The following TDRD7 variants were observed in gnomAD, a reference collection of about 807,000 sequenced individuals.
TDRD7 encodes the protein tudor domain-containing protein 7.
In TDRD7, 47 loss-of-function variants were observed where a neutral mutation model predicts 109.8. That is an observed-to-expected ratio of 0.43 (90% CI 0.34 to 0.55). The LOEUF (loss-of-function observed/expected upper bound fraction) is 0.55. Ranked by LOEUF, TDRD7 falls within the 20% of genes least tolerant of loss-of-function variation. TDRD7 has a pLI of 0.03. For synonymous variants in TDRD7, 424 were observed against 457.3 expected (o/e 0.93, Z 0.93); for missense variants, 1,164 against 1,319.2 (o/e 0.88, Z 1.82).
chr9:97,453,806 G>A (rs1438559076), intron 6 of TDRD7, among the ~76,000 whole-genome samples: 1 of 152,084 alleles, frequency 6.6e-6, no homozygotes, highest in Admixed American at 6.6e-5. Context: ...ACAAAGAAGG[G>A]CATTACATAA....
chr9:97,480,001 C>T (rs1216644867), intron 13 of TDRD7, among the ~76,000 whole-genome samples: 2 of 152,132 alleles, frequency 1.3e-5, no homozygotes, highest in Admixed American at 6.6e-5. Flanking sequence ...GTGACCTCCT[C>T]TCCAACAAGA....
chr9:97,488,572 T>G (rs75100663), intron 16 of TDRD7, among the ~76,000 whole-genome samples: 69,327 of 150,280 alleles, frequency 0.46, 16,098 homozygotes, highest in Admixed American at 0.52. Context: ...TTTTTTTTTT[T>G]TTTTTTTGTT....
Position 97,464,977 on chromosome 9 carries a change from G to A in TDRD7, c.1578G>A (p.Glu526=). 1 of 1,614,094 alleles carries A rather than the reference G, an allele frequency of 6.2e-7. No homozygotes were observed. Among genetic ancestry groups the A allele is most frequent in the South Asian group, 1.1e-5 (1 of 91,072 alleles). The change falls in exon 8 of 17, where the codon GAG becomes GAA. Residue 526 remains glutamate (E), a synonymous_variant. Transcript: ENST00000355295. ...AGTTGCTGGCCGTAAATGCCGAGGA[G>A]GACGCCTGGTTACGGGCACAGGTCA... ...VGQLLAVNAE[E]DAWLRAQVIS... is the part of the protein sequence containing the mutation.
At chr9:97,477,225 C>T (rs2131170488) in intron 12 of TDRD7, among the ~76,000 whole-genome samples, 1 of 152,264 alleles carries the variant, frequency 6.6e-6, no homozygotes, top group African/African-American at 2.4e-5. Flanking sequence ...ATAACCATTG[C>T]ATAATTATCA....
intron 8 of TDRD7, among the ~76,000 whole-genome samples, chr9:97,469,753 A>G (rs1415932101): frequency 1.3e-5 from 2 of 152,190 alleles, no homozygotes; most frequent in Non-Finnish European, 2.9e-5. Context: ...TTTTTCTCAA[A>G]AAAAGGCTTT....
chr9:97,437,334 ACTTC>A (rs1279773397), intron 4 of TDRD7, among the ~76,000 whole-genome samples: 1 of 152,202 alleles, frequency 6.6e-6, no homozygotes, highest in Non-Finnish European at 1.5e-5. Context: ...GGCACAGTGT[ACTTC>A]CTTCTGAGTT....
chr9:97,414,610 G>A (rs1322046623), intron 1 of TDRD7, among the ~76,000 whole-genome samples: 1 of 152,148 alleles, frequency 6.6e-6, no homozygotes, highest in African/African-American at 2.4e-5. Context: ...CTAGTATGTA[G>A]ACTTATGGAA....
In TDRD7 at chr9:97,487,441, G is replaced by GTTTAGGTAT; in HGVS notation, c.3076+109_3076+110insTTTAGGTAT. 5 of 1,504,160 alleles carry GTTTAGGTAT rather than the reference G, an allele frequency of 3.3e-6. No individual in the cohort carries two copies. In the South Asian group the frequency reaches 5.7e-5, roughly 17 times the overall value. 93.2% of individuals were successfully genotyped at this position (1,504,160 alleles called of 1,614,324 possible). On this transcript the variant is annotated intron_variant, in intron 16 of 16. Transcript: ENST00000355295. ...TGGCCTCTTGAGTTTAGGTATGTTG[G>GTTTAGGTAT]GTTTTTGTTTTTTTGTGCTAATAAT...
chr9:97,413,925 C>T (rs1827767544), intron 1 of TDRD7, among the ~76,000 whole-genome samples: 1 of 152,184 alleles, frequency 6.6e-6, no homozygotes, highest in African/African-American at 2.4e-5. Context: ...TTTTAAACTC[C>T]TTGCAGAACC....
intron 1 of TDRD7, among the ~76,000 whole-genome samples, chr9:97,424,926 C>G (rs557813107): frequency 2.0e-5 from 3 of 151,606 alleles, no homozygotes; most frequent in African/African-American, 7.3e-5. Context: ...TTTACCTTTA[C>G]TACTGGCATA....
rs1828115227 is a variant in TDRD7, at chr9:97,432,167, C to T, written c.492C>T (p.His164=). 1.9e-6 allele frequency: 3 copies of T among 1,613,796 alleles called. No homozygotes were observed. The highest frequency in any genetic ancestry group is 2.2e-5 in the South Asian group (2 of 91,078). Residue 164 remains histidine, a synonymous_variant, in exon 4 of 17, where the codon CAC becomes CAT. Transcript: ENST00000355295. ...PDAEMSPYML[H]TTLGNEAFKD... ...CTGAAATGTCTCCTTATATGCTACACACAACTCTTGGAAATGAAGCATTCA... is the reference window on the plus strand; with the variant it reads ...CTGAAATGTCTCCTTATATGCTACATACAACTCTTGGAAATGAAGCATTCA...
chr9:97,489,742 T>C (rs1829269098), intron 16 of TDRD7, among the ~76,000 whole-genome samples: 2 of 152,208 alleles, frequency 1.3e-5, no homozygotes, highest in African/African-American at 4.8e-5. Flanking sequence ...CATTACTCTT[T>C]TTCTGCTTTT....
At chr9:97,472,594 A>G (rs1041472769) in intron 10 of TDRD7, 99 bp downstream of exon 10, 11 of 1,042,356 alleles carry the variant, frequency 1.1e-5, no homozygotes, top group Non-Finnish European at 1.3e-5. Context: ...ATAGAGACAG[A>G]TTACATTTAC....
chr9:97,493,458 A>G (rs1285147974), intron 16 of TDRD7, among the ~76,000 whole-genome samples: 1 of 152,142 alleles, frequency 6.6e-6, no homozygotes, highest in Non-Finnish European at 1.5e-5. Flanking sequence ...CAGAGATCAC[A>G]TGCTTCACAA....
At chr9:97,467,042 GC>G (rs1266616059) in intron 8 of TDRD7, among the ~76,000 whole-genome samples, 1 of 152,218 alleles carries the variant, frequency 6.6e-6, no homozygotes, top group African/African-American at 2.4e-5. Context: ...TCCTGAGTCT[GC>G]CTGTATTTGG....
chr9:97,420,693 G>C (rs1193902418), intron 1 of TDRD7, among the ~76,000 whole-genome samples: 1 of 152,086 alleles, frequency 6.6e-6, no homozygotes, highest in South Asian at 2.1e-4. Flanking sequence ...TAGACATTTT[G>C]ATTGTTTCCA....
intron 4 of TDRD7, 134 bp from the exon 5 acceptor site, chr9:97,439,111 A>C: frequency 3.8e-6 from 2 of 522,792 alleles, no homozygotes; most frequent in Non-Finnish European, 6.2e-6. Flanking sequence ...ATTTTTTCTG[A>C]TTTTAAATTA....
chr9:97,425,482 A>G (rs1827971897), intron 1 of TDRD7, among the ~76,000 whole-genome samples: 2 of 152,208 alleles, frequency 1.3e-5, no homozygotes, highest in Non-Finnish European at 2.9e-5. Flanking sequence ...TATACCATAT[A>G]GCCTAGGTGT....
chr9:97,443,184 C>G (rs1333714489), intron 6 of TDRD7, among the ~76,000 whole-genome samples: 1 of 152,128 alleles, frequency 6.6e-6, no homozygotes, highest in Non-Finnish European at 1.5e-5. Flanking sequence ...TTCATCCATC[C>G]CATTTGCTCA....
Sources: gnomAD v4.1 joint callset for allele counts (sites outside exome capture counted in the v4.1 genomes callset) on GRCh38, gnomAD v4.1.1 for gene constraint, MANE v1.5 for transcripts, NCBI Gene and HGNC (gene_info 2026-07-23, HGNC 2026-07-21) for gene names.